CHRM3: variants seen among roughly 807,000 people sequenced by gnomAD.
CHRM3 encodes muscarinic acetylcholine receptor M3.
In CHRM3, 11 loss-of-function variants were observed where a neutral mutation model predicts 41.8. That is an observed-to-expected ratio of 0.26 (90% confidence interval 0.17 to 0.44). The LOEUF (loss-of-function observed/expected upper bound fraction) is 0.44, where lower values mean the gene tolerates loss of function less well. CHRM3 is among the 20% of genes least tolerant of loss of function. CHRM3 has a pLI of 1.00. For missense variants in CHRM3, 571 were observed against 745.4 expected, an observed-to-expected ratio of 0.77 and a Z score of 2.72; for synonymous variants, 297 against 301.4, an observed-to-expected ratio of 0.99 and a Z score of 0.15.
chr1:239,823,988 C>T (rs1014618088), intron 5 of CHRM3, among the ~76,000 whole-genome samples: 3 of 152,020 alleles, frequency 2.0e-5, no homozygotes, highest in Non-Finnish European at 4.4e-5. Flanking sequence ...TAATAACTGT[C>T]GAAAGGAGCC....
At chr1:239,824,714 T>G (rs1342259968) in intron 5 of CHRM3, among the ~76,000 whole-genome samples, 2 of 152,130 alleles carry the variant, frequency 1.3e-5, no homozygotes. Flanking sequence ...GGAAAACAAT[T>G]AACATCTATT....
chr1:239,711,672 G>A (rs1193170316), intron 5 of CHRM3, among the ~76,000 whole-genome samples: 6 of 147,044 alleles, frequency 4.1e-5, no homozygotes, highest in African/African-American at 7.5e-5. Context: ...CCCATTTCCC[G>A]CTCTCTCACT....
At chr1:239,395,039 G>A (rs1659361445) in intron 1 of CHRM3, among the ~76,000 whole-genome samples, 1 of 152,036 alleles carries the variant, frequency 6.6e-6, no homozygotes, top group Non-Finnish European at 1.5e-5. Context: ...TCATAAAACG[G>A]GTAGCCCTTC....
At chr1:239,755,353 G>A (rs1054777410) in intron 5 of CHRM3, among the ~76,000 whole-genome samples, 2 of 152,134 alleles carry the variant, frequency 1.3e-5, no homozygotes, top group African/African-American at 2.4e-5. Context: ...TGAGTTAACT[G>A]TAAACCTCAA....
At chr1:239,842,275 G>A (rs928332260) in intron 6 of CHRM3, among the ~76,000 whole-genome samples, 20 of 150,848 alleles carry the variant, frequency 1.3e-4, no homozygotes, top group African/African-American at 4.1e-4. Context: ...AGCCTGGAGT[G>A]CAGTGATGAG....
At chr1:239,618,693 A>T (rs1369576296) in intron 3 of CHRM3, among the ~76,000 whole-genome samples, 6 of 150,500 alleles carry the variant, frequency 4.0e-5, no homozygotes, top group Non-Finnish European at 8.9e-5. Context: ...AAATACAAAA[A>T]ATTAGCTGGG....
rs1673261916 is a variant in CHRM3 at position 239,662,141 on chromosome 1, G to GTA, written c.-249-16044_-249-16043insAT. On this transcript the variant is annotated intron_variant, in intron 4 of 6. Transcript: ENST00000676153. ...TGTGTGTGTGTGTGTGTGTGTGTGT[G>GTA]TGTATCTTACTGTGGATAAGAGGTT... Among the ~76,000 whole-genome samples the GTA allele has an allele frequency of 2.0e-5, 3 of 150,536 alleles. No individual in the cohort carries two copies. The Admixed American group carries it at 2.0e-4, about 10-fold the overall frequency.
At chr1:239,595,767 T>G (rs1419345747) in intron 3 of CHRM3, among the ~76,000 whole-genome samples, 1 of 152,228 alleles carries the variant, frequency 6.6e-6, no homozygotes, top group Non-Finnish European at 1.5e-5. Context: ...TGGTGAAATT[T>G]GGATTGTATA....
At chr1:239,662,039 G>A (rs1163892598) in intron 4 of CHRM3, among the ~76,000 whole-genome samples, 1 of 151,126 alleles carries the variant, frequency 6.6e-6, no homozygotes, top group African/African-American at 2.4e-5. Flanking sequence ...AGAATAGAAT[G>A]TATCTAAGCA....
intron 1 of CHRM3, among the ~76,000 whole-genome samples, chr1:239,410,917 A>G (rs2103041434): frequency 6.6e-6 from 1 of 152,314 alleles, no homozygotes; most frequent in East Asian, 1.9e-4. Flanking sequence ...TGTTTTTTTC[A>G]GCCTCACTGC....
chr1:239,473,263 G>GAAA (rs200627399), intron 1 of CHRM3, among the ~76,000 whole-genome samples: 1 of 80,494 alleles, frequency 1.2e-5, no homozygotes, highest in Non-Finnish European at 2.7e-5. Flanking sequence ...AAGCATATTT[G>GAAA]AAAAAAAAAA....
intron 6 of CHRM3, among the ~76,000 whole-genome samples, chr1:239,859,432 G>T (rs12047282): frequency 0.53 from 70,683 of 134,342 alleles, 18,432 homozygotes; most frequent in Middle Eastern, 0.59. Flanking sequence ...TTTTTTTTTT[G>T]TTTTTTTTTT....
intron 1 of CHRM3, among the ~76,000 whole-genome samples, chr1:239,425,324 T>G (rs1662282651): frequency 6.6e-6 from 1 of 152,182 alleles, no homozygotes; most frequent in African/African-American, 2.4e-5. Context: ...ACTCATTCAT[T>G]CACTCGGTAT....
At chr1:239,512,229 T>A (rs1358789595) in intron 2 of CHRM3, among the ~76,000 whole-genome samples, 1 of 152,192 alleles carries the variant, frequency 6.6e-6, no homozygotes, top group Non-Finnish European at 1.5e-5. Flanking sequence ...AAAATTGGAC[T>A]GTCAAGTCCT....
Position 239,677,026 on chromosome 1 carries a change from C to T in CHRM3, c.-249-1160C>T, listed in dbSNP as rs1183207992. The stretch of plus-strand genomic sequence containing the variant: ...GAGCATGACGGCTAGATCTCTTTCT[C>T]CTCCCTCCCCATCCCATTTCCTTTT... On this transcript the variant is annotated intron_variant, in intron 4 of 6. Transcript: ENST00000676153. Among the ~76,000 whole-genome samples, 7 of 152,104 alleles carry T rather than the reference C, an allele frequency of 4.6e-5. No homozygotes were observed. The East Asian group carries it at 7.7e-4, about 17-fold the overall frequency.
At chr1:239,458,896 C>G (rs978320688) in intron 1 of CHRM3, among the ~76,000 whole-genome samples, 56 of 148,650 alleles carry the variant, frequency 3.8e-4, no homozygotes, top group African/African-American at 1.3e-3. Flanking sequence ...GACCCCCCCC[C>G]ATCAGGGTGG....
intron 4 of CHRM3, among the ~76,000 whole-genome samples, chr1:239,669,050 G>A (rs536782491): frequency 1.3e-5 from 2 of 152,170 alleles, no homozygotes; most frequent in East Asian, 3.9e-4. Flanking sequence ...CCATCTCCCC[G>A]AAAATTCCCT....
chr1:239,708,742 T>C (rs1661453238), intron 5 of CHRM3, among the ~76,000 whole-genome samples: 2 of 136,070 alleles, frequency 1.5e-5, no homozygotes, highest in African/African-American at 2.7e-5. Context: ...TTTTCTTTTT[T>C]TTTTTTTTTT....
At chr1:239,848,904 G>C (rs1396105959) in intron 6 of CHRM3, among the ~76,000 whole-genome samples, 1 of 151,992 alleles carries the variant, frequency 6.6e-6, no homozygotes, top group Admixed American at 6.6e-5. Flanking sequence ...GAACATTCTT[G>C]GTCCTATAGG....
Sources: gnomAD v4.1 joint callset for allele counts (sites outside exome capture counted in the v4.1 genomes callset) on GRCh38, gnomAD v4.1.1 for gene constraint, MANE v1.5 for transcripts, NCBI Gene and HGNC (gene_info 2026-07-23, HGNC 2026-07-21) for gene names.